ATAD2: variants seen among roughly 807,000 people sequenced by gnomAD.
ATAD2 encodes ATPase family AAA domain-containing protein 2.
ATAD2 carries 62 observed loss-of-function variants against 168.9 expected under a neutral mutation model. That is an observed-to-expected ratio of 0.37 (90% CI 0.30 to 0.45). ATAD2 has a LOEUF of 0.45. ATAD2 is among the 20% of genes least tolerant of loss of function. The pLI is 1.00. For missense variants in ATAD2, 1,419 were observed against 1,667.8 expected, an observed-to-expected ratio of 0.85 and a Z score of 2.60; for synonymous variants, 613 against 571.6, an observed-to-expected ratio of 1.07 and a Z score of -1.03.
At chr8:123,351,908 T>C (rs3857955) in intron 13 of ATAD2, among the ~76,000 whole-genome samples, 3,841 of 152,176 alleles carry the variant, frequency 0.025, 172 homozygotes, top group African/African-American at 0.088. Context: ...CCACCATGCC[T>C]GGCTAATATT....
intron 2 of ATAD2, 141 bp downstream of exon 2, chr8:123,380,388 G>T: frequency 4.4e-6 from 4 of 918,914 alleles, no homozygotes; most frequent in African/African-American, 1.7e-5. Flanking sequence ...ACTCACTTGT[G>T]ATCATTTATT....
intron 9 of ATAD2, among the ~76,000 whole-genome samples, chr8:123,360,014 G>A (rs1828765738): frequency 6.6e-6 from 1 of 151,898 alleles, no homozygotes; most frequent in South Asian, 2.1e-4. Context: ...ACACAGACAG[G>A]GTATTTACCA....
chr8:123,379,415 C>T (rs1008851151), intron 2 of ATAD2, among the ~76,000 whole-genome samples: 2 of 152,122 alleles, frequency 1.3e-5, no homozygotes, highest in Non-Finnish European at 2.9e-5. Context: ...GAGCCATAAA[C>T]CACAAGCTAA....
chr8:123,349,287 C>T lies in ATAD2; in HGVS notation c.1804G>A (p.Glu602Lys), dbSNP rs1458367984. The change falls in exon 14 of 28, where the codon GAG (glutamate) becomes AAG (lysine). Residue 602 changes from glutamate to lysine, a missense_variant and splice_region_variant. By Grantham distance (56) the Glu-to-Lys change is moderately conservative. Around this residue, in one of 5 missense-constraint regions of ATAD2, gnomAD observed 545 missense variants for 724.9 expected, o/e 0.75. Transcript: ENST00000287394. ...REFLFSLPDK[E>K]ARKEILKIHT... ...TTTGAGTGACATTAAATTCTTACCT[C>T]TTTATCAGGCAGGCTAAAGAGGAAT... 1.9e-6 allele frequency: 3 copies of T among 1,612,002 alleles called. No homozygotes were observed. Among genetic ancestry groups the T allele is most frequent in the Non-Finnish European group, 2.5e-6 (3 of 1,179,574 alleles).
intron 26 of ATAD2, 56 bp from the exon 27 acceptor site, chr8:123,323,122 T>C (rs1316228140): frequency 5.9e-6 from 9 of 1,523,688 alleles, no homozygotes; most frequent in Non-Finnish European, 7.1e-6. Flanking sequence ...TCAGACAAGA[T>C]ACTTAATTTA....
In ATAD2 at chr8:123,329,775, A is replaced by AAT. The variant is rs1554641633; in HGVS notation, c.3479-1197_3479-1196insAT. On this transcript the variant is annotated intron_variant, in intron 24 of 27. Coordinates refer to ENST00000287394, the MANE Select transcript of ATAD2 (RefSeq NM_014109.4). ...AAAAAAAAAAAAAAAAAAAAAAAAA[A>AAT]TTTTTCACTTTAACCCAATGAAGTT... 1.2e-3 allele frequency among the ~76,000 whole-genome samples: 153 copies of AAT among 129,520 alleles called. 9 individuals are homozygous for AAT. The highest frequency in any genetic ancestry group is 4.5e-3 in the African/African-American group (148 of 33,218). The allele number at this position is 129,520 out of a possible 152,430, so 85.0% of individuals were successfully genotyped here.
intron 4 of ATAD2, 102 bp from the exon 5 acceptor site, chr8:123,371,440 T>A: frequency 1.1e-6 from 1 of 942,114 alleles, no homozygotes. Flanking sequence ...ACTAAGGTTT[T>A]AAATATTTTT....
At chr8:123,350,416 C>T (rs1355476814) in intron 13 of ATAD2, among the ~76,000 whole-genome samples, 1 of 152,178 alleles carries the variant, frequency 6.6e-6, no homozygotes, top group Non-Finnish European at 1.5e-5. Context: ...ATGACTAATT[C>T]TTTAATAATA....
chr8:123,355,788 T>G (rs1400663921), intron 13 of ATAD2, among the ~76,000 whole-genome samples: 1 of 152,118 alleles, frequency 6.6e-6, no homozygotes, highest in Non-Finnish European at 1.5e-5. Flanking sequence ...TCAGCCACAT[T>G]CCCCACCATA....
At chr8:123,370,144 A>G in intron 6 of ATAD2, 120 bp from the exon 7 acceptor site, 1 of 877,792 alleles carries the variant, frequency 1.1e-6, no homozygotes, top group East Asian at 2.4e-5. Context: ...CCTAAAAAAA[A>G]AAAAACAACA....
chr8:123,378,030 A>G (rs751730025), intron 2 of ATAD2, among the ~76,000 whole-genome samples: 4 of 152,222 alleles, frequency 2.6e-5, no homozygotes, highest in Non-Finnish European at 5.9e-5. Flanking sequence ...TTAATGGACC[A>G]CTACCTTACC....
intron 17 of ATAD2, 118 bp from the exon 18 acceptor site, chr8:123,346,390 A>T: frequency 1.9e-6 from 2 of 1,066,738 alleles, no homozygotes; most frequent in Non-Finnish European, 2.6e-6. Context: ...CCAACCAATC[A>T]TAACATGGTT....
At chr8:123,399,781 G>C (rs1254835670), upstream of ATAD2, among the ~76,000 whole-genome samples, 4 of 152,014 alleles carry the variant, frequency 2.6e-5, no homozygotes, top group Non-Finnish European at 4.4e-5. Context: ...TTGAACCTGG[G>C]AGGCAGAGGT....
rs1827846168 is a variant in ATAD2, at chr8:123,333,925, T to C, written c.3431A>G (p.Asn1144Ser). 1 of 1,614,080 alleles carries C rather than the reference T, an allele frequency of 6.2e-7. No homozygotes were observed. The highest frequency in any genetic ancestry group is 8.5e-7 in the Non-Finnish European group (1 of 1,180,030). ...AGTACTCGGTGTCTTTAGCTTTTCA[T>C]TCTGCTCTGGGTCTGATCTTTTATC... Reference protein sequence around the residue: ...VGDKRSDPEQNEKLKTPSTPV... With the variant: ...VGDKRSDPEQSEKLKTPSTPV... The change falls in exon 24 of 28, where the codon AAT becomes AGT. Residue 1144 changes from asparagine to serine, a missense_variant. Around this residue, in one of 5 missense-constraint regions of ATAD2, gnomAD observed 303 missense variants for 304.3 expected, o/e 1.00. Transcript: ENST00000287394.
At chr8:123,398,647 G>T (rs1298378548), upstream of ATAD2, among the ~76,000 whole-genome samples, 1 of 151,944 alleles carries the variant, frequency 6.6e-6, no homozygotes, top group Non-Finnish European at 1.5e-5. Flanking sequence ...TAGTAGCTGG[G>T]ACCACAGGTG....
chr8:123,345,687 A>G (rs1828217178), intron 18 of ATAD2, among the ~76,000 whole-genome samples: 1 of 152,176 alleles, frequency 6.6e-6, no homozygotes, highest in Non-Finnish European at 1.5e-5. Flanking sequence ...TCTCAAAAAA[A>G]CCAAAACCAA....
intron 14 of ATAD2, 35 bp downstream of exon 14, chr8:123,349,250 A>G (rs1233697929): frequency 6.3e-7 from 1 of 1,591,472 alleles, no homozygotes; most frequent in South Asian, 1.1e-5. Context: ...ACAGCAATAT[A>G]TTTTGTCAAA....
chr8:123,373,521 G>A (rs1477581429), intron 2 of ATAD2, among the ~76,000 whole-genome samples: 9 of 151,998 alleles, frequency 5.9e-5, no homozygotes, highest in Non-Finnish European at 1.0e-4. Context: ...AGGCACAGTA[G>A]TTCACACCTG....
intron 1 of ATAD2, 74 bp downstream of exon 1, chr8:123,396,113 G>A (rs1333517508): frequency 4.8e-6 from 7 of 1,455,362 alleles, no homozygotes; most frequent in African/African-American, 4.4e-5. Context: ...CCACCCCCAG[G>A]CCCCTCCGAG....
Sources: allele counts gnomAD v4.1 joint callset (sites outside exome capture counted in the v4.1 genomes callset), GRCh38; gene constraint gnomAD v4.1.1; regional missense constraint gnomAD v4.1.1; transcripts MANE v1.5; gene names NCBI Gene and HGNC (gene_info 2026-07-23, HGNC 2026-07-21).